Variants in LEMD1 observed in about 807,000 individuals in gnomAD.
The protein encoded by LEMD1 is LEM domain containing 1.
Under a neutral mutation model 17.4 loss-of-function variants are expected in LEMD1, and 18 were observed. The observed-to-expected ratio is 1.04, with a 90% CI of 0.72 to 1.54. LEMD1 has a LOEUF of 1.54. LEMD1 is among the 40% of genes most tolerant of loss of function. The pLI is 0.00. For missense variants in LEMD1, 195 were observed against 210.4 expected, an observed-to-expected ratio of 0.93 and a Z score of 0.45; for synonymous variants, 88 against 77.8, an observed-to-expected ratio of 1.13 and a Z score of -0.69.
At chr1:205,387,856 T>G (rs186898008) in intron 4 of LEMD1, among the ~76,000 whole-genome samples, 2 of 152,384 alleles carry the variant, frequency 1.3e-5, no homozygotes, top group East Asian at 3.8e-4. Flanking sequence ...AAACTGTGAC[T>G]GTCTCACTAC....
At chr1:205,445,817 C>T (rs932020852) in intron 1 of LEMD1, among the ~76,000 whole-genome samples, 1 of 152,174 alleles carries the variant, frequency 6.6e-6, no homozygotes, top group African/African-American at 2.4e-5. Context: ...GAATGAACCC[C>T]AAAGGTCAAA....
At chr1:205,397,464 C>G (rs1664645055) in intron 4 of LEMD1, among the ~76,000 whole-genome samples, 2 of 152,148 alleles carry the variant, frequency 1.3e-5, no homozygotes, top group Admixed American at 1.3e-4. Context: ...TAAAAATTAG[C>G]AGGGTGTGGT....
chr1:205,381,932 C>T, intron 5 of LEMD1, 76 bp from the exon 6 acceptor site: 3 of 1,428,212 alleles, frequency 2.1e-6, no homozygotes, highest in Non-Finnish European at 2.0e-6. Flanking sequence ...GTGTGTGGGT[C>T]TTGAAGCCCA....
At chr1:205,432,992 C>T (rs1666148858) in intron 1 of LEMD1, among the ~76,000 whole-genome samples, 2 of 152,192 alleles carry the variant, frequency 1.3e-5, no homozygotes, top group Non-Finnish European at 2.9e-5. Context: ...GCCTGGGCAA[C>T]AGAGCAAGAC....
At chr1:205,410,076 C>G (rs542499350) in intron 4 of LEMD1, among the ~76,000 whole-genome samples, 140 of 151,742 alleles carry the variant, frequency 9.2e-4, no homozygotes, top group African/African-American at 3.3e-3. Flanking sequence ...GTGCCCAGCC[C>G]CCAGTTAATT....
chr1:205,403,982 G>A (rs912614023), intron 4 of LEMD1, among the ~76,000 whole-genome samples: 2 of 152,130 alleles, frequency 1.3e-5, no homozygotes, highest in Non-Finnish European at 2.9e-5. Context: ...TCAGGAGCAG[G>A]TTGTTCAGTT....
chr1:205,444,414 C>T (rs549476887), intron 1 of LEMD1, among the ~76,000 whole-genome samples: 14 of 152,120 alleles, frequency 9.2e-5, no homozygotes, highest in South Asian at 8.3e-4. Context: ...AGAAGAGATG[C>T]CAATCCATAG....
In LEMD1 at chr1:205,381,720, CA is replaced by C; in HGVS notation, c.483del (p.Gly162ValfsTer11). On this transcript the variant is annotated frameshift_variant, in exon 6 of 6. Coordinates refer to ENST00000367153, the MANE Select transcript of LEMD1 (RefSeq NM_001199050.2). LOFTEE classifies it high-confidence loss of function. ...ACAAACACCACAATGATGAAAATAC[CA>C]AGCACAGCAAGCTTCAAGCCCACTG... The part of the protein sequence containing the change: ...GFPVGLKLAV[L>X]GIFIIVVFVY... 1.2e-6 allele frequency: 2 copies of C among 1,614,182 alleles called. No homozygotes were observed. The highest frequency in any genetic ancestry group is 1.7e-6 in the Non-Finnish European group (2 of 1,180,024).
chr1:205,382,986 T>C (rs1177262152), intron 5 of LEMD1, among the ~76,000 whole-genome samples: 3 of 152,220 alleles, frequency 2.0e-5, no homozygotes, highest in Non-Finnish European at 4.4e-5. Context: ...ACTAATACAA[T>C]TGCCTGTCTT....
upstream of LEMD1, among the ~76,000 whole-genome samples, chr1:205,423,954 T>C (rs1293757149): frequency 3.3e-5 from 5 of 152,162 alleles, no homozygotes; most frequent in Non-Finnish European, 1.5e-5. Flanking sequence ...CACATGCTGG[T>C]ATTAAACTGA....
intron 5 of LEMD1, among the ~76,000 whole-genome samples, chr1:205,383,790 C>T (rs902999773): frequency 2.0e-5 from 3 of 151,794 alleles, no homozygotes; most frequent in African/African-American, 4.8e-5. Flanking sequence ...CATGCCACCA[C>T]GTCTGGCTAA....
At chr1:205,405,854 A>G (rs897911144) in intron 4 of LEMD1, among the ~76,000 whole-genome samples, 11 of 150,832 alleles carry the variant, frequency 7.3e-5, no homozygotes, top group Non-Finnish European at 1.5e-4. Flanking sequence ...TTGGTCTTTG[A>G]TGATGGTGAT....
At chr1:205,449,321 G>T (rs528847811) in intron 1 of LEMD1, among the ~76,000 whole-genome samples, 1 of 152,132 alleles carries the variant, frequency 6.6e-6, no homozygotes. Context: ...CAGCTTCAGA[G>T]AAGTGGGCTT....
intron 3 of LEMD1, among the ~76,000 whole-genome samples, chr1:205,418,602 G>A (rs546713131): frequency 6.0e-4 from 92 of 152,228 alleles, no homozygotes; most frequent in Admixed American, 1.0e-3. Flanking sequence ...TGCAACCTCC[G>A]CCTCCCTGGT....
intron 4 of LEMD1, among the ~76,000 whole-genome samples, chr1:205,407,196 A>G (rs11240475): frequency 0.31 from 46,490 of 151,556 alleles, 7,454 homozygotes; most frequent in African/African-American, 0.38. Flanking sequence ...CAGGTGTGGC[A>G]GCACGTGCCT....
intron 3 of LEMD1, 98 bp from the exon 4 acceptor site, chr1:205,416,394 G>T: frequency 1.2e-6 from 1 of 818,310 alleles, no homozygotes; most frequent in Non-Finnish European, 1.9e-6. Flanking sequence ...CTCAATTAGA[G>T]GACATTTTTG....
chr1:205,398,511 A>G (rs1226215902), intron 4 of LEMD1, among the ~76,000 whole-genome samples: 1 of 152,238 alleles, frequency 6.6e-6, no homozygotes, highest in Non-Finnish European at 1.5e-5. Flanking sequence ...AAGACATTGA[A>G]ATACACTTAA....
chr1:205,427,949 T>TTCCTCATTATA, intron 1 of LEMD1, among the ~76,000 whole-genome samples: 1 of 152,152 alleles, frequency 6.6e-6, no homozygotes, highest in Non-Finnish European at 1.5e-5. Flanking sequence ...CGGTTCCTGG[T>TTCCTCATTATA]ACTAAGGAGA....
intron 4 of LEMD1, among the ~76,000 whole-genome samples, chr1:205,400,232 TTA>T (rs1225200044): frequency 1.3e-5 from 2 of 152,168 alleles, no homozygotes; most frequent in Non-Finnish European, 2.9e-5. Context: ...CAGCTAATTT[TTA>T]TGTTTTTTTG....
Sources: gnomAD v4.1 joint callset for allele counts (sites outside exome capture counted in the v4.1 genomes callset) on GRCh38, gnomAD v4.1.1 for gene constraint, MANE v1.5 for transcripts, NCBI Gene and HGNC (gene_info 2026-07-23, HGNC 2026-07-21) for gene names.